LSAMP: variants seen among roughly 807,000 people sequenced by gnomAD.
LSAMP encodes limbic system-associated membrane protein.
A neutral mutation model predicts 38.6 loss-of-function variants in LSAMP; 7 were observed. That is an observed-to-expected ratio of 0.18 (90% CI 0.10 to 0.34). LSAMP has a LOEUF of 0.34. LSAMP is among the 10% of genes least tolerant of loss of function. The pLI is 1.00. For synonymous variants in LSAMP, 154 were observed against 166.8 expected, an observed-to-expected ratio of 0.92 and a Z score of 0.59; for missense variants, 313 against 420.0, an observed-to-expected ratio of 0.75 and a Z score of 2.23.
intron 1 of LSAMP, among the ~76,000 whole-genome samples, chr3:116,329,330 T>A (rs1303554743): frequency 6.6e-6 from 1 of 152,176 alleles, no homozygotes; most frequent in Admixed American, 6.6e-5. Context: ...TGCAGTGTCT[T>A]TTAAAATTCA....
intron 1 of LSAMP, among the ~76,000 whole-genome samples, chr3:116,420,005 T>C (rs1003872743): frequency 3.3e-5 from 5 of 152,226 alleles, no homozygotes; most frequent in Non-Finnish European, 7.3e-5. Flanking sequence ...CTAAGGCAGA[T>C]ATATCATTTC....
intron 2 of LSAMP, among the ~76,000 whole-genome samples, chr3:116,059,003 A>T (rs1421183771): frequency 6.6e-6 from 1 of 152,064 alleles, no homozygotes; most frequent in Non-Finnish European, 1.5e-5. Context: ...ACATCATGGC[A>T]GATGCCTTCG....
intron 1 of LSAMP, among the ~76,000 whole-genome samples, chr3:116,280,801 G>A (rs753792161): frequency 3.9e-5 from 6 of 152,114 alleles, no homozygotes; most frequent in Admixed American, 6.6e-5. Flanking sequence ...GTGGCCATTC[G>A]GCACAAACTT....
At chr3:116,083,452 C>A (rs1329669547) in intron 2 of LSAMP, among the ~76,000 whole-genome samples, 1 of 152,006 alleles carries the variant, frequency 6.6e-6, no homozygotes, top group Non-Finnish European at 1.5e-5. Context: ...AGTGGTTTAC[C>A]CCCAAAGTGT....
At chr3:116,086,087 G>A (rs572369438) in intron 2 of LSAMP, among the ~76,000 whole-genome samples, 39 of 152,234 alleles carry the variant, frequency 2.6e-4, no homozygotes, top group Non-Finnish European at 4.0e-4. Context: ...TCACACTCAG[G>A]GCTAGGTGAA....
chr3:116,018,339 A>G (rs1055041264), intron 3 of LSAMP, among the ~76,000 whole-genome samples: 2 of 152,150 alleles, frequency 1.3e-5, no homozygotes, highest in Admixed American at 1.3e-4. Flanking sequence ...ACACCACACA[A>G]TACAGATAGT....
chr3:116,061,478 G>T (rs1941593989), intron 2 of LSAMP, among the ~76,000 whole-genome samples: 3 of 152,082 alleles, frequency 2.0e-5, no homozygotes, highest in Admixed American at 2.0e-4. Context: ...CATGGTAGGT[G>T]GTGGTGGTGG....
intron 1 of LSAMP, among the ~76,000 whole-genome samples, chr3:116,350,626 T>TTG (rs200284187): frequency 3.9e-5 from 4 of 102,756 alleles, no homozygotes; most frequent in South Asian, 2.5e-4. Context: ...TCAAGGAACC[T>TTG]TTTTTTTTTT....
At chr3:115,938,701 C>A (rs1429308576) in intron 3 of LSAMP, among the ~76,000 whole-genome samples, 2 of 152,026 alleles carry the variant, frequency 1.3e-5, no homozygotes, top group Non-Finnish European at 2.9e-5. Flanking sequence ...TAAACAAAAT[C>A]TTTTTAAATG....
At chr3:116,138,126 T>C (rs1478865650) in intron 1 of LSAMP, among the ~76,000 whole-genome samples, 2 of 152,130 alleles carry the variant, frequency 1.3e-5, no homozygotes, top group Non-Finnish European at 2.9e-5. Flanking sequence ...AGTTCTCAAC[T>C]AATGAACAAG....
chr3:115,986,026 G>A lies in LSAMP; in HGVS notation c.514+33489C>T, dbSNP rs140380113. Among the ~76,000 whole-genome samples the A allele has an allele frequency of 5.9e-5, 9 of 152,260 alleles. No homozygotes were observed. In the East Asian group the frequency reaches 1.7e-3, roughly 29 times the overall value. On this transcript the variant is annotated intron_variant, in intron 3 of 6. Transcript: ENST00000490035. ...CTGCTTTTGGAAGAGATGATCAAAGGAGAGAATTGCCAAGTTTGCAAGTAG... is the reference window on the plus strand; with the variant it reads ...CTGCTTTTGGAAGAGATGATCAAAGAAGAGAATTGCCAAGTTTGCAAGTAG...
At chr3:116,209,852 C>T (rs369340938) in intron 1 of LSAMP, among the ~76,000 whole-genome samples, 37 of 152,214 alleles carry the variant, frequency 2.4e-4, no homozygotes, top group Middle Eastern at 3.4e-3. Context: ...CCCGGGTTGA[C>T]GCCGTTCTCC....
chr3:115,906,828 T>C (rs1240368157), intron 3 of LSAMP, among the ~76,000 whole-genome samples: 1 of 152,140 alleles, frequency 6.6e-6, no homozygotes, highest in Admixed American at 6.6e-5. Context: ...CAGGTATTTA[T>C]TACATATTAA....
In LSAMP at chr3:116,290,773, T is replaced by TAATAATAATAAA. The variant is rs1397690470; in HGVS notation, c.155+154103_155+154104insTTTATTATTATT. Among the ~76,000 whole-genome samples, 7 of 142,540 alleles carry TAATAATAATAAA rather than the reference T, an allele frequency of 4.9e-5. No homozygotes were observed. In the East Asian group the frequency reaches 1.0e-3, roughly 21 times the overall value. The allele number at this position is 142,540 out of a possible 152,430, so 93.5% of individuals were successfully genotyped here. ...ATAATAATAATAATAATAATAATAA[T>TAATAATAATAAA]AAAATAAACTTTCCTAGTTGATCTT... On this transcript the variant is annotated intron_variant, in intron 1 of 6. Coordinates refer to ENST00000490035, the MANE Select transcript of LSAMP (RefSeq NM_002338.5).
intron 1 of LSAMP, among the ~76,000 whole-genome samples, chr3:116,189,588 T>C (rs1188924211): frequency 2.0e-5 from 3 of 152,176 alleles, no homozygotes; most frequent in African/African-American, 7.2e-5. Context: ...TGTGAACACA[T>C]TGCCTGCAAA....
chr3:116,302,585 C>G (rs1350903905), intron 1 of LSAMP, among the ~76,000 whole-genome samples: 1 of 152,206 alleles, frequency 6.6e-6, no homozygotes, highest in Non-Finnish European at 1.5e-5. Flanking sequence ...TGAATAAATA[C>G]CTTTCACTAG....
chr3:116,182,388 T>G lies in LSAMP; in HGVS notation c.156-95832A>C, dbSNP rs139377574. On this transcript the variant is annotated intron_variant, in intron 1 of 6. Transcript: ENST00000490035. ...AATATATATTGAACTTATATATATA[T>G]AGAAATATATATACAAGATGGTGAA... is the stretch of plus-strand genomic sequence containing the variant. Among the ~76,000 whole-genome samples the G allele has an allele frequency of 7.6e-4, 115 of 151,238 alleles. No individual in the cohort carries two copies. The East Asian group carries it at 0.022, about 29-fold the overall frequency.
chr3:116,340,659 T>C (rs2047980458), intron 1 of LSAMP, among the ~76,000 whole-genome samples: 1 of 152,066 alleles, frequency 6.6e-6, no homozygotes, highest in African/African-American at 2.4e-5. Context: ...ACATATTTTG[T>C]TACTAACCAT....
chr3:116,386,943 G>A (rs1002195493), intron 1 of LSAMP, among the ~76,000 whole-genome samples: 8 of 152,126 alleles, frequency 5.3e-5, no homozygotes, highest in Non-Finnish European at 1.2e-4. Context: ...GATATGTCTG[G>A]TCAAATAAAC....
Sources: gnomAD v4.1 joint callset for allele counts (sites outside exome capture counted in the v4.1 genomes callset) on GRCh38, gnomAD v4.1.1 for gene constraint, MANE v1.5 for transcripts, NCBI Gene and HGNC (gene_info 2026-07-23, HGNC 2026-07-21) for gene names.